The following BTBD3 variants were observed in gnomAD, a reference collection of about 807,000 sequenced individuals.
BTBD3 encodes the protein BTB/POZ domain-containing protein 3.
In BTBD3, 14 loss-of-function variants were observed where a neutral mutation model predicts 41.6. That is an observed-to-expected ratio of 0.34 (90% CI 0.22 to 0.53). The LOEUF is 0.53. Among genes scored for constraint, BTBD3 ranks in the 20% least tolerant of loss-of-function variants. BTBD3 has a pLI of 0.95. For synonymous variants in BTBD3, 249 were observed against 233.7 expected, an observed-to-expected ratio of 1.07 and a Z score of -0.60; for missense variants, 426 against 654.7, an observed-to-expected ratio of 0.65 and a Z score of 3.81.
At chr20:11,914,303 A>G (rs2056905444), upstream of BTBD3, among the ~76,000 whole-genome samples, 1 of 152,238 alleles carries the variant, frequency 6.6e-6, no homozygotes, top group Non-Finnish European at 1.5e-5. Context: ...GTAGTAGACT[A>G]TAGAAATGAA....
chr20:11,909,614 T>A (rs1428678578), intron 1 of BTBD3: 1 of 152,176 alleles, frequency 6.6e-6, no homozygotes, highest in African/African-American at 2.4e-5. Context: ...CTTGTATTGT[T>A]TGCCCAAAAT....
chr20:11,894,759 T>C (rs2056776567), intron 1 of BTBD3, among the ~76,000 whole-genome samples: 1 of 152,128 alleles, frequency 6.6e-6, no homozygotes, highest in Admixed American at 6.5e-5. Context: ...ATTTTTTCCT[T>C]GTATTTGTTC....
chr20:11,901,430 G>A (rs2056823117), intron 1 of BTBD3, among the ~76,000 whole-genome samples: 1 of 152,184 alleles, frequency 6.6e-6, no homozygotes, highest in African/African-American at 2.4e-5. Flanking sequence ...GTGCACATGT[G>A]CAGTCACTTT....
chr20:11,923,760 C>T lies in BTBD3; in HGVS notation c.*94C>T, dbSNP rs545439586. ...TCATCTGCAAATATGTGATCAGTGC[C>T]GGTAATTTGTAATGAATGAAGCGGT... On this transcript the variant is annotated 3_prime_UTR_variant, in exon 4 of 4. Transcript: ENST00000378226. This position sits in a 1 kb window ranked among gnomAD's most constrained non-coding sequence, Gnocchi z 5.3. 18 of 1,229,324 alleles carry T rather than the reference C, an allele frequency of 1.5e-5. No individual in the cohort carries two copies. Among genetic ancestry groups the T allele is most frequent in the Admixed American group, 1.4e-4 (6 of 43,198 alleles). 76.2% of individuals were successfully genotyped at this position (1,229,324 alleles called of 1,614,324 possible).
In BTBD3 at chr20:11,923,734, C is replaced by G; in HGVS notation, c.*68C>G. On this transcript the variant is annotated 3_prime_UTR_variant, in exon 4 of 4. Coordinates refer to ENST00000378226, the MANE Select transcript of BTBD3 (RefSeq NM_014962.4). The surrounding 1 kb of genome is among the most constrained non-coding windows in gnomAD (Gnocchi z 5.3). Reference sequence around the variant, plus strand: ...TGGTTCCAACTTGCCTGATGCTTAGCTCATCTGCAAATATGTGATCAGTGC... The same window carrying G: ...TGGTTCCAACTTGCCTGATGCTTAGGTCATCTGCAAATATGTGATCAGTGC... 1 of 1,404,218 alleles carries G rather than the reference C, an allele frequency of 7.1e-7. No homozygotes were observed. Among genetic ancestry groups the G allele is most frequent in the Non-Finnish European group, 9.7e-7 (1 of 1,029,410 alleles). 87.0% of individuals were successfully genotyped at this position (1,404,218 alleles called of 1,614,324 possible). A position where few individuals can be genotyped will look rare whatever the true frequency, so the allele number is the denominator to read the frequency against.
rs1210106523 is a variant in BTBD3, at chr20:11,895,304, A to G, written c.-126+4350A>G. ...ACTATCCTTTTAACATTACAATTCT[A>G]TGCCCTTGTCCTTTCAGATAAAGAT... On this transcript the variant is annotated intron_variant, in intron 1 of 4. Coordinates refer to the BTBD3 transcript ENST00000254977. Among the ~76,000 whole-genome samples, 5 of 152,336 alleles carry G rather than the reference A, an allele frequency of 3.3e-5. No homozygotes were observed. In the East Asian group the frequency reaches 5.8e-4, roughly 18 times the overall value.
rs1267042978 is a variant in BTBD3, at chr20:11,925,719, T to C, written c.*2053T>C. ...GGTAGACCTTATAAGAAGGCACTTGTTTGTAAGCCAGAGAAGAAACTTTAA... is the reference window on the plus strand; with the variant it reads ...GGTAGACCTTATAAGAAGGCACTTGCTTGTAAGCCAGAGAAGAAACTTTAA... On this transcript the variant is annotated 3_prime_UTR_variant, in exon 4 of 4. Transcript: ENST00000378226. The C allele has an allele frequency of 6.6e-6, 1 of 152,592 alleles. No homozygotes were observed. Among genetic ancestry groups the C allele is most frequent in the Non-Finnish European group, 1.5e-5 (1 of 68,028 alleles). 9.5% of individuals were successfully genotyped at this position (152,592 alleles called of 1,614,324 possible). A position where few individuals can be genotyped will look rare whatever the true frequency, so the allele number is the denominator to read the frequency against.
chr20:11,922,587 T>G, intron 3 of BTBD3, 47 bp from the exon 4 acceptor site: 1 of 1,524,676 alleles, frequency 6.6e-7, no homozygotes, highest in Non-Finnish European at 8.9e-7. Flanking sequence ...TTGCTGGATG[T>G]ACTCATTTTG....
chr20:11,897,331 A>G (rs1044830442), intron 1 of BTBD3, among the ~76,000 whole-genome samples: 6 of 152,082 alleles, frequency 3.9e-5, no homozygotes, highest in Admixed American at 2.6e-4. Flanking sequence ...CCAGAACAAA[A>G]TTTCTGATCT....
At chr20:11,890,933 G>T (rs949302746) in exon 1 of BTBD3, 8 of 984,562 alleles carry the variant, frequency 8.1e-6, no homozygotes, top group East Asian at 2.3e-4. Flanking sequence ...TGCGTCGCCC[G>T]AGGCGAGGAG....
In BTBD3 at chr20:11,891,087, C is replaced by T. The variant is rs577683131; in HGVS notation, c.-126+133C>T. Reference sequence around the variant, plus strand: ...AAGCGAGGAGAGGCCGGGCTGGTGGCCGCAGGTCGGCCTCGGACCCACGGG... The same window carrying T: ...AAGCGAGGAGAGGCCGGGCTGGTGGTCGCAGGTCGGCCTCGGACCCACGGG... On this transcript the variant is annotated intron_variant, in intron 1 of 4. Transcript: ENST00000254977. 1.3e-3 allele frequency: 815 copies of T among 623,128 alleles called. 8 individuals carry two copies. In the African/African-American group the frequency reaches 0.015, roughly 12 times the overall value. The allele number at this position is 623,128 out of a possible 1,614,324, so 38.6% of individuals were successfully genotyped here.
At chr20:11,895,615 G>A (rs550937842) in intron 1 of BTBD3, among the ~76,000 whole-genome samples, 1 of 152,186 alleles carries the variant, frequency 6.6e-6, no homozygotes, top group East Asian at 1.9e-4. Flanking sequence ...TCTGTGTAGA[G>A]TCATGTTGGA....
intron 1 of BTBD3, among the ~76,000 whole-genome samples, chr20:11,905,854 T>C (rs1232483): frequency 0.73 from 110,783 of 152,078 alleles, 40,816 homozygotes; most frequent in Non-Finnish European, 0.78. Flanking sequence ...TAGCAGATGT[T>C]GCTGGGAGGT....
intron 1 of BTBD3, among the ~76,000 whole-genome samples, chr20:11,904,204 A>G (rs1384430701): frequency 6.6e-6 from 1 of 152,196 alleles, no homozygotes; most frequent in East Asian, 1.9e-4. Context: ...TGCAGGCTCT[A>G]CAGGAAGCAT....
In BTBD3 at chr20:11,924,266, G is replaced by A. The variant is rs1412672341; in HGVS notation, c.*600G>A. 6.6e-6 allele frequency: 1 copy of A among 152,110 alleles called. No homozygotes were observed. Among genetic ancestry groups the A allele is most frequent in the Non-Finnish European group, 1.5e-5 (1 of 68,016 alleles). The allele number at this position is 152,110 out of a possible 1,614,324, so 9.4% of individuals were successfully genotyped here. Reference sequence around the variant, plus strand: ...GTATTAAACACTTCAGAATATCAATGTAAAATTGGAAAATAAGGAACTGGG... The same window carrying A: ...GTATTAAACACTTCAGAATATCAATATAAAATTGGAAAATAAGGAACTGGG... On this transcript the variant is annotated 3_prime_UTR_variant, in exon 4 of 4. Coordinates refer to ENST00000378226, the MANE Select transcript of BTBD3 (RefSeq NM_014962.4).
At chr20:11,903,584 T>C (rs2056836197) in intron 1 of BTBD3, among the ~76,000 whole-genome samples, 1 of 152,134 alleles carries the variant, frequency 6.6e-6, no homozygotes, top group Non-Finnish European at 1.5e-5. Context: ...ATTGAACAGA[T>C]GGAAGATTAG....
intron 1 of BTBD3, among the ~76,000 whole-genome samples, chr20:11,894,885 A>C (rs768070693): frequency 3.3e-5 from 5 of 152,202 alleles, no homozygotes; most frequent in African/African-American, 7.2e-5. Flanking sequence ...AAGACCACTT[A>C]TTTTACAATA....
chr20:11,900,524 C>A (rs1273230068), intron 1 of BTBD3, among the ~76,000 whole-genome samples: 4 of 151,984 alleles, frequency 2.6e-5, no homozygotes, highest in Non-Finnish European at 4.4e-5. Context: ...AAGTGGCGGT[C>A]TTGCCTACCC....
chr20:11,909,206 G>A (rs2056874739), intron 1 of BTBD3, among the ~76,000 whole-genome samples: 1 of 151,682 alleles, frequency 6.6e-6, no homozygotes, highest in Non-Finnish European at 1.5e-5. Flanking sequence ...CCCTGGAGGC[G>A]GAGGTTGCAG....
Sources: gnomAD v4.1 joint callset for allele counts (sites outside exome capture counted in the v4.1 genomes callset) on GRCh38, gnomAD v4.1.1 for gene constraint, Gnocchi (gnomAD v3.1) non-coding constraint, MANE v1.5 for transcripts, NCBI Gene and HGNC (gene_info 2026-07-23, HGNC 2026-07-21) for gene names.